The following CDK6 variants were observed in gnomAD, a reference collection of about 807,000 sequenced individuals.
The protein encoded by CDK6 is cyclin-dependent kinase 6.
A neutral mutation model predicts 37.1 loss-of-function variants in CDK6; 6 were observed. The ratio of observed to expected loss-of-function variants is 0.16; its 90% CI spans 0.09 to 0.32. The LOEUF is 0.32. Among genes scored for constraint, CDK6 ranks in the 10% least tolerant of loss-of-function variants. CDK6 has a pLI of 1.00. For synonymous variants in CDK6, 160 were observed against 161.3 expected, an observed-to-expected ratio of 0.99 and a Z score of 0.06; for missense variants, 224 against 418.9, an observed-to-expected ratio of 0.53 and a Z score of 4.06.
chr7:92,767,242 G>T (rs1015273527), intron 3 of CDK6, among the ~76,000 whole-genome samples: 1 of 152,170 alleles, frequency 6.6e-6, no homozygotes, highest in Non-Finnish European at 1.5e-5. Flanking sequence ...TACTATAAGG[G>T]TTAGGAATTT....
At position 92,605,920 on chromosome 7, in the gene CDK6, C is replaced by G; in HGVS notation, c.*9220G>C. On this transcript the variant is annotated 3_prime_UTR_variant, in exon 8 of 8. Transcript: ENST00000424848. Reference sequence around the variant, plus strand: ...AGAGAAGCAACATCTGATACAAAGTCACCTGCCAACATTCTTATAAGACTG... The same window carrying G: ...AGAGAAGCAACATCTGATACAAAGTGACCTGCCAACATTCTTATAAGACTG... 1 of 233,726 alleles carries G rather than the reference C, an allele frequency of 4.3e-6. No individual in the cohort carries two copies. The highest frequency in any genetic ancestry group is 6.0e-5 in the East Asian group (1 of 16,592). 14.5% of individuals were successfully genotyped at this position (233,726 alleles called of 1,614,324 possible).
chr7:92,737,697 G>A (rs1285380464), intron 3 of CDK6, among the ~76,000 whole-genome samples: 3 of 152,098 alleles, frequency 2.0e-5, no homozygotes, highest in Non-Finnish European at 2.9e-5. Context: ...TAACAAATAA[G>A]AACTAGAATT....
chr7:92,655,451 T>C (rs1341611346), intron 5 of CDK6, among the ~76,000 whole-genome samples: 2 of 152,244 alleles, frequency 1.3e-5, no homozygotes, highest in African/African-American at 4.8e-5. Context: ...CAGAGTGCCT[T>C]TGAAAACAAG....
chr7:92,625,519 G>A (rs1358111458), intron 5 of CDK6, among the ~76,000 whole-genome samples: 1 of 146,584 alleles, frequency 6.8e-6, no homozygotes, highest in Admixed American at 7.1e-5. Context: ...ATCACTTCCT[G>A]TATGCAGTTT....
chr7:92,631,631 G>T (rs1796055942), intron 5 of CDK6, among the ~76,000 whole-genome samples: 1 of 152,146 alleles, frequency 6.6e-6, no homozygotes, highest in Non-Finnish European at 1.5e-5. Flanking sequence ...CTATGGTTAG[G>T]TCTACATGGT....
intron 3 of CDK6, among the ~76,000 whole-genome samples, chr7:92,730,482 A>C (rs1026087933): frequency 3.3e-5 from 5 of 152,182 alleles, no homozygotes; most frequent in Admixed American, 1.3e-4. Context: ...GATTATAGCA[A>C]CAGAGGGAAA....
At chr7:92,690,850 A>G (rs1797585227) in intron 4 of CDK6, among the ~76,000 whole-genome samples, 1 of 152,216 alleles carries the variant, frequency 6.6e-6, no homozygotes, top group Non-Finnish European at 1.5e-5. Flanking sequence ...AGTAAAAGTT[A>G]AGAATCCTTC....
rs1797092719 is a variant in CDK6, at chr7:92,672,174, C to CACACACAG, written c.538-640_538-639insCTGTGTGT. 2.9e-5 allele frequency among the ~76,000 whole-genome samples: 3 copies of CACACACAG among 104,952 alleles called. 1 individual carries two copies. Among genetic ancestry groups the CACACACAG allele is most frequent in the African/African-American group, 7.7e-5 (2 of 26,020 alleles). 68.9% of individuals were successfully genotyped at this position (104,952 alleles called of 152,430 possible). On this transcript the variant is annotated intron_variant, in intron 4 of 7. Transcript: ENST00000424848. ...ATATATATATATACACATACACACA[C>CACACACAG]ACACACACAGACACATACACACACA...
chr7:92,638,608 C>T (rs369044429), intron 5 of CDK6, among the ~76,000 whole-genome samples: 71 of 152,290 alleles, frequency 4.7e-4, no homozygotes, highest in East Asian at 1.7e-3. Context: ...TGCCATTGAC[C>T]GGCTGTGACC....
intron 4 of CDK6, among the ~76,000 whole-genome samples, chr7:92,674,787 A>C (rs549050977): frequency 2.0e-4 from 31 of 152,350 alleles, no homozygotes; most frequent in African/African-American, 7.2e-4. Flanking sequence ...GAAAAGTTTA[A>C]TCTGAATACA....
chr7:92,718,808 A>C (rs996486962), intron 4 of CDK6, among the ~76,000 whole-genome samples: 2 of 152,118 alleles, frequency 1.3e-5, no homozygotes, highest in Non-Finnish European at 2.9e-5. Context: ...TATTGCATTT[A>C]TCTCTGTTTC....
At chr7:92,802,509 A>G (rs1412643590) in intron 2 of CDK6, among the ~76,000 whole-genome samples, 1 of 152,186 alleles carries the variant, frequency 6.6e-6, no homozygotes, top group Non-Finnish European at 1.5e-5. Flanking sequence ...AATTCTGTCT[A>G]CTTAACAATC....
intron 3 of CDK6, among the ~76,000 whole-genome samples, chr7:92,771,021 G>A (rs531766274): frequency 5.3e-5 from 8 of 152,124 alleles, no homozygotes; most frequent in African/African-American, 7.2e-5. Context: ...GGCGGATCTC[G>A]AGGTCAGTAG....
At chr7:92,745,666 T>C (rs1799040283) in intron 3 of CDK6, among the ~76,000 whole-genome samples, 1 of 152,128 alleles carries the variant, frequency 6.6e-6, no homozygotes, top group Non-Finnish European at 1.5e-5. Flanking sequence ...TTAGATAAGG[T>C]TGAGGGTAGA....
chr7:92,671,057 A>G (rs1797061373), intron 5 of CDK6, among the ~76,000 whole-genome samples: 1 of 152,146 alleles, frequency 6.6e-6, no homozygotes, highest in Admixed American at 6.5e-5. Context: ...GTTTTCATAC[A>G]CTTAACAGCC....
chr7:92,767,985 A>G (rs1053283321), intron 3 of CDK6, among the ~76,000 whole-genome samples: 5 of 152,182 alleles, frequency 3.3e-5, no homozygotes, highest in African/African-American at 9.7e-5. Context: ...AGGGTCTACA[A>G]TGTGCATAAA....
chr7:92,810,795 G>A (rs1053539743), intron 2 of CDK6, among the ~76,000 whole-genome samples: 33 of 152,152 alleles, frequency 2.2e-4, no homozygotes, highest in Admixed American at 9.8e-4. Flanking sequence ...ATTATAGGCC[G>A]GGTGCAGTGG....
chr7:92,822,079 A>G (rs1801187482), intron 2 of CDK6, among the ~76,000 whole-genome samples: 1 of 152,144 alleles, frequency 6.6e-6, no homozygotes, highest in East Asian at 1.9e-4. Flanking sequence ...ATATTTTAAT[A>G]TAACTAATTT....
Position 92,835,716 on chromosome 7 carries a change from C to T in CDK6, c.-368+762G>A, listed in dbSNP as rs573705963. On this transcript the variant is annotated intron_variant, in intron 1 of 7. Coordinates refer to ENST00000424848, the MANE Select transcript of CDK6 (RefSeq NM_001145306.2). This position sits in a 1 kb window ranked among gnomAD's most constrained non-coding sequence, Gnocchi z 4.2. ...TCGCCACCAGCACAGCGACAAGAGG[C>T]CACACCGGGGACCGCGACTCCCGCG... 1.3e-5 allele frequency among the ~76,000 whole-genome samples: 2 copies of T among 152,358 alleles called. No homozygotes were observed. Among genetic ancestry groups the T allele is most frequent in the East Asian group, 3.9e-4 (2 of 5,180 alleles).
Sources: gnomAD v4.1 joint callset for allele counts (sites outside exome capture counted in the v4.1 genomes callset) on GRCh38, gnomAD v4.1.1 for gene constraint, Gnocchi (gnomAD v3.1) non-coding constraint, MANE v1.5 for transcripts, NCBI Gene and HGNC (gene_info 2026-07-23, HGNC 2026-07-21) for gene names.